PEBP4: variants seen among roughly 807,000 people sequenced by gnomAD.
PEBP4 encodes phosphatidylethanolamine binding protein 4.
Under a neutral mutation model 23.9 loss-of-function variants are expected in PEBP4, and 22 were observed. That is an observed-to-expected ratio of 0.92 (90% CI 0.66 to 1.31). The LOEUF is 1.31. PEBP4 is among the 40% of genes most tolerant of loss of function. The pLI, the probability that PEBP4 is intolerant of heterozygous loss-of-function variation, is 0.00. For synonymous variants in PEBP4, 112 were observed against 99.3 expected (o/e 1.13, Z -0.76); for missense variants, 324 against 281.7 (o/e 1.15, Z -1.07).
At chr8:22,857,965 G>A (rs548556641) in intron 3 of PEBP4, among the ~76,000 whole-genome samples, 3 of 152,262 alleles carry the variant, frequency 2.0e-5, no homozygotes, top group East Asian at 1.9e-4. Flanking sequence ...GATGCTTCAC[G>A]GACCGTCCAT....
At chr8:22,907,275 C>A (rs1808836731) in intron 3 of PEBP4, among the ~76,000 whole-genome samples, 1 of 152,190 alleles carries the variant, frequency 6.6e-6, no homozygotes, top group Non-Finnish European at 1.5e-5. Context: ...GCCTGGCCAA[C>A]ATGGTGAAAC....
intron 4 of PEBP4, among the ~76,000 whole-genome samples, chr8:22,746,723 A>G (rs1805127789): frequency 6.6e-6 from 1 of 151,752 alleles, no homozygotes; most frequent in African/African-American, 2.4e-5. Flanking sequence ...TGACCATTCG[A>G]TCCCCAATCT....
At chr8:22,896,091 T>A (rs1194619216) in intron 3 of PEBP4, 1 of 152,206 alleles carries the variant, frequency 6.6e-6, no homozygotes, top group African/African-American at 2.4e-5. Flanking sequence ...AAATCCCACA[T>A]CCTTGCATCA....
rs565970129 is a variant in PEBP4 at position 22,919,457 on chromosome 8, G to A, written c.258+727C>T. On this transcript the variant is annotated intron_variant, in intron 3 of 6. Coordinates refer to ENST00000256404, the MANE Select transcript of PEBP4 (RefSeq NM_144962.3). Reference sequence around the variant, plus strand: ...CCCAGGAGTCAAGAAATAAAGAAGCGGAGACCAGAAGGCCAGATCAGCTTC... The same window carrying A: ...CCCAGGAGTCAAGAAATAAAGAAGCAGAGACCAGAAGGCCAGATCAGCTTC... Among the ~76,000 whole-genome samples, 5 of 152,226 alleles carry A rather than the reference G, an allele frequency of 3.3e-5. No homozygotes were observed. The South Asian group carries it at 6.2e-4, about 19-fold the overall frequency.
chr8:22,822,355 G>GTGTGTGTGTGTGTGTGTGTGTGTA (rs1554489117), intron 3 of PEBP4, among the ~76,000 whole-genome samples: 20 of 17,776 alleles, frequency 1.1e-3, no homozygotes, highest in African/African-American at 1.6e-3. Flanking sequence ...ATATACTAAA[G>GTGTGTGTGTGTGTGTGTGTGTGTA]TGTGTGTGTG....
chr8:22,732,635 TG>T (rs1804763220), intron 4 of PEBP4, among the ~76,000 whole-genome samples: 14 of 10,950 alleles, frequency 1.3e-3, no homozygotes, highest in Admixed American at 2.2e-3. Flanking sequence ...TGGCCCCATT[TG>T]TGTGTGTGTG....
chr8:22,765,898 A>G (rs113829674), intron 4 of PEBP4, among the ~76,000 whole-genome samples: 1 of 149,214 alleles, frequency 6.7e-6, no homozygotes, highest in African/African-American at 2.5e-5. Context: ...GTGGATCACC[A>G]CCATTCATGG....
chr8:22,889,254 C>CCCATTT (rs545741806), intron 3 of PEBP4, among the ~76,000 whole-genome samples: 16 of 152,232 alleles, frequency 1.1e-4, no homozygotes, highest in Admixed American at 1.0e-3. Context: ...GAGAGAAGCA[C>CCCATTT]CCATTTTGGA....
At chr8:22,834,347 G>A (rs1204186323) in intron 3 of PEBP4, among the ~76,000 whole-genome samples, 2 of 152,220 alleles carry the variant, frequency 1.3e-5, no homozygotes, top group African/African-American at 4.8e-5. Flanking sequence ...TGCTGCCCCT[G>A]GAGCCGAAAG....
chr8:22,745,063 C>T (rs1805083999), intron 4 of PEBP4, among the ~76,000 whole-genome samples: 1 of 152,166 alleles, frequency 6.6e-6, no homozygotes, highest in South Asian at 2.1e-4. Context: ...GGGCTGTGTT[C>T]AGAAAATTGA....
At chr8:22,739,103 A>T (rs984006506) in intron 4 of PEBP4, among the ~76,000 whole-genome samples, 7 of 151,890 alleles carry the variant, frequency 4.6e-5, no homozygotes, top group Non-Finnish European at 8.8e-5. Context: ...AGTGAGACCT[A>T]AGCTGCTCTG....
At chr8:22,738,150 A>C (rs1804910556) in intron 4 of PEBP4, among the ~76,000 whole-genome samples, 1 of 152,212 alleles carries the variant, frequency 6.6e-6, no homozygotes, top group African/African-American at 2.4e-5. Flanking sequence ...AGCGAGTGGC[A>C]CATCATGTTT....
At chr8:22,864,007 C>T (rs918738172) in intron 3 of PEBP4, among the ~76,000 whole-genome samples, 18 of 152,218 alleles carry the variant, frequency 1.2e-4, no homozygotes, top group African/African-American at 4.3e-4. Flanking sequence ...ACCCTCCTCA[C>T]AGCCACCAGA....
intron 3 of PEBP4, among the ~76,000 whole-genome samples, chr8:22,904,961 G>A (rs1302877669): frequency 2.6e-5 from 4 of 151,948 alleles, no homozygotes; most frequent in Non-Finnish European, 5.9e-5. Context: ...AAATTTTTAT[G>A]TGTTTCTCTG....
chr8:22,781,220 T>C (rs1340725938), intron 4 of PEBP4, among the ~76,000 whole-genome samples: 2 of 152,208 alleles, frequency 1.3e-5, no homozygotes, highest in African/African-American at 4.8e-5. Context: ...CACGTTTGGA[T>C]GCCCTTGGCA....
At chr8:22,867,720 C>T (rs1035818354) in intron 3 of PEBP4, among the ~76,000 whole-genome samples, 3 of 152,208 alleles carry the variant, frequency 2.0e-5, no homozygotes, top group Non-Finnish European at 4.4e-5. Context: ...ATTCTGAGTT[C>T]CAAGCTGGAA....
chr8:22,787,074 C>T (rs551385924), intron 4 of PEBP4, among the ~76,000 whole-genome samples: 34 of 152,190 alleles, frequency 2.2e-4, no homozygotes, highest in Non-Finnish European at 2.4e-4. Flanking sequence ...CTTCCTGCCT[C>T]GGCTTCCCAA....
intron 4 of PEBP4, among the ~76,000 whole-genome samples, chr8:22,759,851 C>T (rs1314228276): frequency 1.3e-5 from 2 of 152,158 alleles, no homozygotes; most frequent in African/African-American, 2.4e-5. Context: ...CAGTGTGACA[C>T]GGAGCTCAAG....
intron 4 of PEBP4, among the ~76,000 whole-genome samples, chr8:22,815,321 C>A (rs138961649): frequency 6.6e-6 from 1 of 152,188 alleles, no homozygotes; most frequent in African/African-American, 2.4e-5. Context: ...CCAGACCGAC[C>A]GAGGTGGAAG....
Sources: allele counts gnomAD v4.1 joint callset (sites outside exome capture counted in the v4.1 genomes callset), GRCh38; gene constraint gnomAD v4.1.1; transcripts MANE v1.5; gene names NCBI Gene and HGNC (gene_info 2026-07-23, HGNC 2026-07-21).